Variants in ABLIM2 observed in about 807,000 individuals in gnomAD.
ABLIM2 encodes the protein actin-binding LIM protein 2.
ABLIM2 carries 53 observed loss-of-function variants against 97.7 expected under a neutral mutation model. The observed-to-expected ratio is 0.54, with a 90% CI of 0.44 to 0.68. The LOEUF (loss-of-function observed/expected upper bound fraction) is 0.68. Among genes scored for constraint, ABLIM2 ranks in the 30% least tolerant of loss-of-function variants. The pLI is 0.00. For missense variants in ABLIM2, 835 were observed against 867.2 expected, an observed-to-expected ratio of 0.96 and a Z score of 0.47; for synonymous variants, 361 against 345.8, an observed-to-expected ratio of 1.04 and a Z score of -0.49.
At chr4:7,973,112 T>TGTGTGTGTGTGG (rs1729570150) in intron 20 of ABLIM2, among the ~76,000 whole-genome samples, 1 of 145,958 alleles carries the variant, frequency 6.9e-6, no homozygotes, top group African/African-American at 2.5e-5. Context: ...TGTGTGTGTG[T>TGTGTGTGTGTGG]AGGGTGAGGG....
intron 1 of ABLIM2, among the ~76,000 whole-genome samples, chr4:8,121,951 G>A (rs1228244881): frequency 6.6e-6 from 1 of 152,162 alleles, no homozygotes; most frequent in African/African-American, 2.4e-5. Context: ...ACCCAGACCT[G>A]CCCAGACCTC....
chr4:7,993,825 G>T (rs1441287411), intron 16 of ABLIM2: 1 of 452,046 alleles, frequency 2.2e-6, no homozygotes, highest in Non-Finnish European at 4.4e-6. Flanking sequence ...CGCTGGGGCT[G>T]TCAGGAGGGG....
intron 16 of ABLIM2, among the ~76,000 whole-genome samples, 185 bp from the exon 17 acceptor site, chr4:7,993,112 G>T (rs2149967223): frequency 6.6e-6 from 1 of 152,304 alleles, no homozygotes; most frequent in African/African-American, 2.4e-5. Context: ...CGAGGAGGAA[G>T]CCACAGAGGG....
At chr4:8,040,119 C>T (rs906997246) in intron 9 of ABLIM2, among the ~76,000 whole-genome samples, 6 of 152,068 alleles carry the variant, frequency 3.9e-5, no homozygotes, top group Admixed American at 1.3e-4. Context: ...CAGGGGGAGC[C>T]GGTCTCTTCC....
chr4:8,077,598 G>A, intron 6 of ABLIM2, 30 bp downstream of exon 6: 1 of 1,572,910 alleles, frequency 6.4e-7, no homozygotes, highest in East Asian at 2.3e-5. Flanking sequence ...CTAGCTCAGA[G>A]CGGGCAGGGG....
chr4:8,002,147 G>A lies in ABLIM2; in HGVS notation c.1618+5912C>T, dbSNP rs376697356. Among the ~76,000 whole-genome samples, 16 of 152,160 alleles carry A rather than the reference G, an allele frequency of 1.1e-4. No individual in the cohort carries two copies. Among genetic ancestry groups the A allele is most frequent in the African/African-American group, 3.9e-4 (16 of 41,428 alleles). On this transcript the variant is annotated intron_variant, in intron 16 of 20. Transcript: ENST00000447017. The surrounding 1 kb of genome is among the most constrained non-coding windows in gnomAD (Gnocchi z 6.1). ...CTCCCACGGTTCCAGTCCCATCTGG[G>A]AGCCGGGGACCCTCAGTCTCTGCCT...
chr4:8,155,351 C>T lies in ABLIM2; in HGVS notation c.10+3329G>A, dbSNP rs1714961517. Among the ~76,000 whole-genome samples the T allele has an allele frequency of 6.6e-6, 1 of 152,214 alleles. No homozygotes were observed. The highest frequency in any genetic ancestry group is 2.4e-5 in the African/African-American group (1 of 41,438). Reference sequence around the variant, plus strand: ...CAAATACTAGGATCTGCACCGTCCACAGTCTGGGGACTAGGGCTCAGGTTC... The same window carrying T: ...CAAATACTAGGATCTGCACCGTCCATAGTCTGGGGACTAGGGCTCAGGTTC... On this transcript the variant is annotated intron_variant, in intron 1 of 20. Transcript: ENST00000447017. This position sits in a 1 kb window ranked among gnomAD's most constrained non-coding sequence, Gnocchi z 4.2.
At position 8,001,566 on chromosome 4, in the gene ABLIM2, C is replaced by A. The variant is rs1757210045; in HGVS notation, c.1618+6493G>T. Among the ~76,000 whole-genome samples, 1 of 152,116 alleles carries A rather than the reference C, an allele frequency of 6.6e-6. No homozygotes were observed. The highest frequency in any genetic ancestry group is 2.1e-4 in the South Asian group (1 of 4,830). Reference sequence around the variant, plus strand: ...GCCCTGACCTCTGGAGCTCCCTCTGCTCTCTCTGGGGGCTCAGAGAGCACC... The same window carrying A: ...GCCCTGACCTCTGGAGCTCCCTCTGATCTCTCTGGGGGCTCAGAGAGCACC... On this transcript the variant is annotated intron_variant, in intron 16 of 20. Transcript: ENST00000447017. The surrounding 1 kb of genome is among the most constrained non-coding windows in gnomAD (Gnocchi z 4.2).
chr4:8,154,187 C>A (rs1356508188), intron 1 of ABLIM2, among the ~76,000 whole-genome samples: 1 of 151,538 alleles, frequency 6.6e-6, no homozygotes, highest in East Asian at 1.9e-4. Context: ...TGGTCTCCAT[C>A]TCCTGACCTT....
intron 4 of ABLIM2, among the ~76,000 whole-genome samples, chr4:8,081,684 G>A (rs1346450229): frequency 3.3e-5 from 5 of 152,192 alleles, no homozygotes; most frequent in African/African-American, 1.2e-4. Flanking sequence ...TGTCACCTGA[G>A]TCTTCCTGTG....
chr4:8,115,374 C>T (rs1842355227), intron 1 of ABLIM2, among the ~76,000 whole-genome samples: 1 of 152,202 alleles, frequency 6.6e-6, no homozygotes, highest in African/African-American at 2.4e-5. Flanking sequence ...GCCTGCTGCA[C>T]AGAACACATC....
rs562666949 is a variant in ABLIM2 at position 8,130,309 on chromosome 4, C to T, written c.11-23672G>A. Among the ~76,000 whole-genome samples the T allele has an allele frequency of 3.9e-5, 6 of 152,318 alleles. No individual in the cohort carries two copies. The East Asian group carries it at 5.8e-4, about 15-fold the overall frequency. On this transcript the variant is annotated intron_variant, in intron 1 of 20. Coordinates refer to ENST00000447017, the MANE Select transcript of ABLIM2 (RefSeq NM_001130083.2). The surrounding 1 kb of genome is among the most constrained non-coding windows in gnomAD (Gnocchi z 4.2). The stretch of plus-strand genomic sequence containing the variant: ...GGATGGCCCATGCTGGGAAACATCA[C>T]GTTGCTTTGAGGCCATCATCTTAAG...
In ABLIM2 at chr4:8,148,943, C is replaced by T. The variant is rs558131101; in HGVS notation, c.10+9737G>A. Among the ~76,000 whole-genome samples, 20 of 152,340 alleles carry T rather than the reference C, an allele frequency of 1.3e-4. No individual in the cohort carries two copies. In the South Asian group the frequency reaches 2.1e-3, roughly 16 times the overall value. ...CGCCAGGACCCGGGATCTGGAGGCACCAGGGAGAGTCCAGCTGTGCCAAGG... is the reference window on the plus strand; with the variant it reads ...CGCCAGGACCCGGGATCTGGAGGCATCAGGGAGAGTCCAGCTGTGCCAAGG... On this transcript the variant is annotated intron_variant, in intron 1 of 20. Coordinates refer to ENST00000447017, the MANE Select transcript of ABLIM2 (RefSeq NM_001130083.2). This position sits in a 1 kb window ranked among gnomAD's most constrained non-coding sequence, Gnocchi z 6.7.
At position 8,158,810 on chromosome 4, in the gene ABLIM2, A is replaced by C; in HGVS notation, c.-121T>G. On this transcript the variant is annotated 5_prime_UTR_variant, in exon 1 of 21. Coordinates refer to ENST00000447017, the MANE Select transcript of ABLIM2 (RefSeq NM_001130083.2). ...CCGGCTCCGCGCCCGCTCCTTGCGC[A>C]CACGCCAGGCAGCGCCGCCGCAGCC... is the stretch of plus-strand genomic sequence containing the variant. 1.1e-6 allele frequency: 1 copy of C among 900,760 alleles called. No individual in the cohort carries two copies. Among genetic ancestry groups the C allele is most frequent in the African/African-American group, 1.8e-5 (1 of 56,132 alleles). The allele number at this position is 900,760 out of a possible 1,614,324, so 55.8% of individuals were successfully genotyped here.
chr4:8,053,209 CA>C, intron 8 of ABLIM2, among the ~76,000 whole-genome samples: 1 of 152,326 alleles, frequency 6.6e-6, no homozygotes, highest in East Asian at 1.9e-4. Flanking sequence ...TTTCAGAACT[CA>C]AAAGAATGCA....
rs79623611 is a variant in ABLIM2 at position 8,006,511 on chromosome 4, C to T, written c.1618+1548G>A. Among the ~76,000 whole-genome samples the T allele has an allele frequency of 1.6e-3, 248 of 152,350 alleles. 1 individual carries two copies. Among genetic ancestry groups the T allele is most frequent in the African/African-American group, 5.6e-3 (231 of 41,594 alleles). ...ATTTCCTGGTTCCCAGGGCAAATGC[C>T]TTGATGCCGGGACACTGAGCAAAGT... On this transcript the variant is annotated intron_variant, in intron 16 of 20. Coordinates refer to ENST00000447017, the MANE Select transcript of ABLIM2 (RefSeq NM_001130083.2).
At position 8,123,789 on chromosome 4, in the gene ABLIM2, G is replaced by A. The variant is rs1201327848; in HGVS notation, c.11-17152C>T. On this transcript the variant is annotated intron_variant, in intron 1 of 20. Transcript: ENST00000447017. The surrounding 1 kb of genome is among the most constrained non-coding windows in gnomAD (Gnocchi z 6.2). ...CATTGGGTCACACAGCCCAACTGGG[G>A]TGACAAGGTCCTGGCTCCACCCGGA... Among the ~76,000 whole-genome samples the A allele has an allele frequency of 6.6e-6, 1 of 152,194 alleles. No homozygotes were observed. The highest frequency in any genetic ancestry group is 2.4e-5 in the African/African-American group (1 of 41,444).
chr4:8,091,765 T>G, intron 3 of ABLIM2, among the ~76,000 whole-genome samples: 1 of 82,426 alleles, frequency 1.2e-5, no homozygotes, highest in Admixed American at 2.1e-4. Context: ...ATTATATATT[T>G]ATTATGCATT....
chr4:8,126,618 G>A (rs946426915), intron 1 of ABLIM2, among the ~76,000 whole-genome samples: 7 of 152,050 alleles, frequency 4.6e-5, no homozygotes, highest in African/African-American at 1.7e-4. Context: ...GTTAATATCA[G>A]GGAACTGCGG....
Sources: allele counts gnomAD v4.1 joint callset (sites outside exome capture counted in the v4.1 genomes callset), GRCh38; gene constraint gnomAD v4.1.1; non-coding constraint Gnocchi (gnomAD v3.1); transcripts MANE v1.5; gene names NCBI Gene and HGNC (gene_info 2026-07-23, HGNC 2026-07-21).